THADA: variants seen among roughly 807,000 people sequenced by gnomAD.
THADA encodes the protein THADA armadillo repeat containing.
THADA carries 213 observed loss-of-function variants against 219.8 expected under a neutral mutation model. The observed-to-expected ratio is 0.97, with a 90% confidence interval of 0.87 to 1.09. THADA has a LOEUF of 1.09. THADA is among the 50% of genes least tolerant of loss of function. THADA has a pLI of 0.00. For missense variants in THADA, 2,956 were observed against 2,311.3 expected (o/e 1.28, Z -5.72); for synonymous variants, 1,018 against 828.9 (o/e 1.23, Z -3.92).
chr2:43,483,591 T>A (rs1165032237), intron 26 of THADA, among the ~76,000 whole-genome samples: 2 of 152,112 alleles, frequency 1.3e-5, no homozygotes, highest in Non-Finnish European at 2.9e-5. Context: ...TATTTTGTAA[T>A]CTTTCCTATC....
chr2:43,312,985 G>T (rs193151697), intron 31 of THADA, among the ~76,000 whole-genome samples: 1 of 152,256 alleles, frequency 6.6e-6, no homozygotes, highest in Admixed American at 6.5e-5. Context: ...ATCAAAGCAG[G>T]TGTTTGTAAG....
chr2:43,287,546 C>G (rs1466467672), intron 34 of THADA, among the ~76,000 whole-genome samples: 1 of 152,208 alleles, frequency 6.6e-6, no homozygotes, highest in Non-Finnish European at 1.5e-5. Flanking sequence ...ATCAACTTGC[C>G]TCGGCCTCCC....
intron 29 of THADA, among the ~76,000 whole-genome samples, chr2:43,371,486 T>C (rs1393750355): frequency 6.6e-6 from 1 of 152,232 alleles, no homozygotes; most frequent in Non-Finnish European, 1.5e-5. Context: ...TCAGTTTTTG[T>C]TGAGAGGGGA....
At chr2:43,439,540 C>A (rs566880277) in intron 26 of THADA, among the ~76,000 whole-genome samples, 5 of 152,166 alleles carry the variant, frequency 3.3e-5, no homozygotes, top group African/African-American at 9.6e-5. Flanking sequence ...CCTGGTGTCA[C>A]AGGGCTTGTG....
At chr2:43,479,988 T>C (rs1685996937) in intron 26 of THADA, among the ~76,000 whole-genome samples, 2 of 152,234 alleles carry the variant, frequency 1.3e-5, no homozygotes, top group Non-Finnish European at 1.5e-5. Flanking sequence ...ACATTCAGAC[T>C]TTGGGTGAAG....
intron 26 of THADA, among the ~76,000 whole-genome samples, chr2:43,430,914 G>C (rs1325941124): frequency 4.6e-5 from 7 of 152,184 alleles, no homozygotes; most frequent in African/African-American, 1.7e-4. Flanking sequence ...CACTGGTTTG[G>C]AGTATGGTTA....
intron 12 of THADA, among the ~76,000 whole-genome samples, 164 bp from the exon 13 acceptor site, chr2:43,572,026 T>C (rs1012069828): frequency 6.6e-6 from 1 of 152,234 alleles, no homozygotes; most frequent in Non-Finnish European, 1.5e-5. Flanking sequence ...CTAGGGTTAT[T>C]TCCTATACAA....
Position 43,381,946 on chromosome 2 carries a change from G to T in THADA, c.4227+16025C>A, listed in dbSNP as rs148804013. Among the ~76,000 whole-genome samples, 328 of 152,200 alleles carry T rather than the reference G, an allele frequency of 2.2e-3. 3 individuals are homozygous for T. Among genetic ancestry groups the T allele is most frequent in the African/African-American group, 7.7e-3 (318 of 41,502 alleles). The stretch of plus-strand genomic sequence containing the variant: ...CCCTGGATACGACATGATGAGAATG[G>T]CAAATCACCTCAGTGGTCTTTCTCC... On this transcript the variant is annotated intron_variant, in intron 29 of 37. Transcript: ENST00000405975.
At chr2:43,232,103 TAACTCC>T (rs1667496443) in intron 37 of THADA, among the ~76,000 whole-genome samples, 5 of 152,266 alleles carry the variant, frequency 3.3e-5, no homozygotes, top group Admixed American at 3.3e-4. Flanking sequence ...AGCCCCAGGC[TAACTCC>T]AATACTGACT....
chr2:43,284,185 A>C (rs1225680453), intron 35 of THADA, among the ~76,000 whole-genome samples: 1 of 152,228 alleles, frequency 6.6e-6, no homozygotes, highest in African/African-American at 2.4e-5. Context: ...ATCTCAAAAA[A>C]AAAGAGAAAC....
intron 19 of THADA, among the ~76,000 whole-genome samples, chr2:43,551,021 C>G (rs1190000775): frequency 6.6e-6 from 1 of 152,174 alleles, no homozygotes; most frequent in Non-Finnish European, 1.5e-5. Context: ...ATGTGTCTTA[C>G]TATCGTGAAC....
chr2:43,473,159 A>T (rs963184096), intron 26 of THADA, among the ~76,000 whole-genome samples: 1 of 152,198 alleles, frequency 6.6e-6, no homozygotes, highest in African/African-American at 2.4e-5. Flanking sequence ...TAAACTTAAA[A>T]TTTTTAACTT....
intron 20 of THADA, among the ~76,000 whole-genome samples, chr2:43,548,800 T>C (rs1005720384): frequency 1.3e-5 from 2 of 152,238 alleles, no homozygotes; most frequent in Admixed American, 6.5e-5. Context: ...GAAAGGGAAC[T>C]CCCTGACCCC....
chr2:43,513,023 G>A (rs923881605), intron 22 of THADA, among the ~76,000 whole-genome samples: 5 of 152,158 alleles, frequency 3.3e-5, no homozygotes, highest in African/African-American at 4.8e-5. Context: ...TTATGGACCC[G>A]TGTTATCTGG....
At position 43,485,487 on chromosome 2, in the gene THADA, C is replaced by A. The variant is rs202054871; in HGVS notation, c.3745-162G>T. Among the ~76,000 whole-genome samples, 52 of 152,154 alleles carry A rather than the reference C, an allele frequency of 3.4e-4. 1 individual carries two copies. In the East Asian group the frequency reaches 7.9e-3, roughly 23 times the overall value. On this transcript the variant is annotated intron_variant, in intron 25 of 37. Transcript: ENST00000405975. Reference sequence around the variant, plus strand: ...AAAATAATTTAAAAAAAAAACTTGACAGTCATCGATTCAATGACTTCAATT... The same window carrying A: ...AAAATAATTTAAAAAAAAAACTTGAAAGTCATCGATTCAATGACTTCAATT...
intron 1 of THADA, among the ~76,000 whole-genome samples, chr2:43,593,487 A>T (rs1441796131): frequency 6.6e-6 from 1 of 152,188 alleles, no homozygotes; most frequent in Non-Finnish European, 1.5e-5. Context: ...TTTCTGAAGG[A>T]CCTAGAGAGC....
intron 36 of THADA, among the ~76,000 whole-genome samples, chr2:43,270,842 C>T (rs1008141292): frequency 5.9e-5 from 9 of 152,070 alleles, no homozygotes; most frequent in African/African-American, 1.9e-4. Flanking sequence ...CAGAGTGATG[C>T]CATGAGACCC....
chr2:43,323,033 G>A lies in THADA; in HGVS notation c.4344-2493C>T, dbSNP rs143303353. 4.0e-4 allele frequency among the ~76,000 whole-genome samples: 61 copies of A among 152,200 alleles called. No individual in the cohort carries two copies. In the East Asian group the frequency reaches 0.011, roughly 28 times the overall value. ...CTGCTACCCACTTGTTTATACAAAT[G>A]ATGGCTTACTATATACTCGGTTCTG... On this transcript the variant is annotated intron_variant, in intron 30 of 37. Transcript: ENST00000405975.
rs548696748 is a variant in THADA, at chr2:43,562,069, C to T, written c.2312-1684G>A. 1.6e-4 allele frequency: 24 copies of T among 152,208 alleles called. 1 individual carries two copies. In the South Asian group the frequency reaches 2.3e-3, roughly 14 times the overall value. The allele number at this position is 152,208 out of a possible 1,614,324, so 9.4% of individuals were successfully genotyped here. ...ATTGACTATTATTCTTAAATTGACC[C>T]ACCCTTACATTCCTGGGATAAATTC... is the stretch of plus-strand genomic sequence containing the variant. On this transcript the variant is annotated intron_variant, in intron 15 of 37. Transcript: ENST00000405975.
Sources: gnomAD v4.1 joint callset for allele counts (sites outside exome capture counted in the v4.1 genomes callset) on GRCh38, gnomAD v4.1.1 for gene constraint, MANE v1.5 for transcripts, NCBI Gene and HGNC (gene_info 2026-07-23, HGNC 2026-07-21) for gene names.